The following COG5 variants were observed in gnomAD, a reference collection of about 807,000 sequenced individuals.
The protein encoded by COG5 is component of oligomeric golgi complex 5, also known as conserved oligomeric Golgi complex subunit 5.
In COG5, 86 loss-of-function variants were observed where a neutral mutation model predicts 110.4. The ratio of observed to expected loss-of-function variants is 0.78; its 90% CI spans 0.65 to 0.93. The LOEUF is 0.93. COG5 is among the 40% of genes least tolerant of loss of function. The probability of loss-of-function intolerance (pLI) is 0.00; values close to 1 mark genes in which losing one functional copy is unlikely to be tolerated. For missense variants in COG5, 1,077 were observed against 987.0 expected, an observed-to-expected ratio of 1.09 and a Z score of -1.22; for synonymous variants, 360 against 334.6, an observed-to-expected ratio of 1.08 and a Z score of -0.83.
At chr7:107,497,166 CGCCACT>C (rs1272447617) in intron 6 of COG5, among the ~76,000 whole-genome samples, 12 of 152,178 alleles carry the variant, frequency 7.9e-5, no homozygotes, top group African/African-American at 2.6e-4. Context: ...GATATGTCTG[CGCCACT>C]GCCACTGCAC....
At chr7:107,373,564 T>C (rs1306043470) in intron 7 of COG5, among the ~76,000 whole-genome samples, 1 of 152,116 alleles carries the variant, frequency 6.6e-6, no homozygotes, top group Non-Finnish European at 1.5e-5. Flanking sequence ...GATAGCAATG[T>C]GCTTAGTATG....
chr7:107,316,950 A>G (rs1808819585), intron 11 of COG5, among the ~76,000 whole-genome samples: 1 of 152,176 alleles, frequency 6.6e-6, no homozygotes, highest in South Asian at 2.1e-4. Flanking sequence ...CATTATTTAA[A>G]TTTGAATCAT....
At chr7:107,532,997 T>C (rs1801319624) in intron 5 of COG5, among the ~76,000 whole-genome samples, 2 of 151,934 alleles carry the variant, frequency 1.3e-5, no homozygotes, top group South Asian at 4.1e-4. Context: ...CAGTCTTTGC[T>C]GTTCTGCAGC....
Position 107,347,031 on chromosome 7 carries a change from A to G in COG5, c.1026+15002T>C, listed in dbSNP as rs1584708620. Among the ~76,000 whole-genome samples, 4 of 152,224 alleles carry G rather than the reference A, an allele frequency of 2.6e-5. No individual in the cohort carries two copies. The East Asian group carries it at 7.7e-4, about 29-fold the overall frequency. On this transcript the variant is annotated intron_variant, in intron 10 of 21. Transcript: ENST00000297135. Reference sequence around the variant, plus strand: ...AATGATTGGTATATCATAATGTACTAGAATATTCTAGAAATTTTCACATAT... The same window carrying G: ...AATGATTGGTATATCATAATGTACTGGAATATTCTAGAAATTTTCACATAT...
At chr7:107,312,043 C>T (rs1808318446) in intron 11 of COG5, among the ~76,000 whole-genome samples, 1 of 151,914 alleles carries the variant, frequency 6.6e-6, no homozygotes. Context: ...TCTGTGAACC[C>T]ATCCTAGCTT....
At chr7:107,514,645 C>A (rs1051250583) in intron 6 of COG5, among the ~76,000 whole-genome samples, 14 of 152,212 alleles carry the variant, frequency 9.2e-5, no homozygotes, top group African/African-American at 3.4e-4. Context: ...ACAGATACAC[C>A]AGATGGGTGT....
chr7:107,462,349 C>A (rs549990039), intron 6 of COG5, among the ~76,000 whole-genome samples: 61 of 152,268 alleles, frequency 4.0e-4, no homozygotes, highest in Non-Finnish European at 7.4e-4. Context: ...TTGCAAAGAT[C>A]TCACCAGATG....
chr7:107,291,770 T>C (rs2116870144), intron 12 of COG5, among the ~76,000 whole-genome samples: 1 of 152,348 alleles, frequency 6.6e-6, no homozygotes, highest in South Asian at 2.1e-4. Flanking sequence ...ATATCTGCTC[T>C]GATTCCAGGA....
chr7:107,519,328 C>G (rs183645754), intron 6 of COG5, among the ~76,000 whole-genome samples: 2 of 151,682 alleles, frequency 1.3e-5, no homozygotes, highest in African/African-American at 4.8e-5. Context: ...GACACAGACA[C>G]GAAAAATCCT....
In COG5 at chr7:107,519,991, T is replaced by A. The variant is rs369907026; in HGVS notation, c.538+7246A>T. Among the ~76,000 whole-genome samples the A allele has an allele frequency of 1.7e-4, 26 of 152,244 alleles. No homozygotes were observed. In the East Asian group the frequency reaches 3.1e-3, roughly 18 times the overall value. The stretch of plus-strand genomic sequence containing the variant: ...CACGGGATGCAAGGCTGGTTCAACA[T>A]ATGCAAATCAATAAACATAATCCAT... On this transcript the variant is annotated intron_variant, in intron 6 of 21. Transcript: ENST00000297135.
chr7:107,296,444 A>AG (rs1806755611), intron 12 of COG5, among the ~76,000 whole-genome samples: 1 of 152,078 alleles, frequency 6.6e-6, no homozygotes, highest in African/African-American at 2.4e-5. Flanking sequence ...CAACAGACAT[A>AG]GGTTCTGTTC....
intron 17 of COG5, among the ~76,000 whole-genome samples, chr7:107,241,378 T>C (rs964071346): frequency 6.7e-6 from 1 of 149,782 alleles, no homozygotes; most frequent in Admixed American, 6.7e-5. Flanking sequence ...GAATTCACTT[T>C]ACCCTTCTGT....
intron 6 of COG5, among the ~76,000 whole-genome samples, chr7:107,422,233 C>T (rs10280973): frequency 6.6e-6 from 1 of 152,162 alleles, no homozygotes; most frequent in Non-Finnish European, 1.5e-5. Flanking sequence ...AAACAAATTA[C>T]TAATTATATA....
At chr7:107,451,211 G>C (rs1243788599) in intron 6 of COG5, among the ~76,000 whole-genome samples, 2 of 152,260 alleles carry the variant, frequency 1.3e-5, no homozygotes, top group Non-Finnish European at 1.5e-5. Flanking sequence ...ATTTACAGCA[G>C]AGCCAATCAA....
intron 6 of COG5, among the ~76,000 whole-genome samples, chr7:107,501,246 T>C (rs1206795644): frequency 6.6e-6 from 1 of 151,976 alleles, no homozygotes; most frequent in African/African-American, 2.4e-5. Context: ...TAATATATAC[T>C]AGAAGGGAAA....
At chr7:107,312,275 G>A (rs1410050564) in intron 11 of COG5, among the ~76,000 whole-genome samples, 1 of 152,078 alleles carries the variant, frequency 6.6e-6, no homozygotes, top group African/African-American at 2.4e-5. Context: ...TAACACTTTA[G>A]GGATCCATCT....
intron 12 of COG5, among the ~76,000 whole-genome samples, chr7:107,293,831 G>A (rs1806369829): frequency 6.6e-6 from 1 of 152,106 alleles, no homozygotes; most frequent in Non-Finnish European, 1.5e-5. Context: ...CCACACTTTG[G>A]GAGGCTGAGG....
chr7:107,290,050 CAAT>C (rs144240098), intron 12 of COG5, among the ~76,000 whole-genome samples: 1,778 of 152,206 alleles, frequency 0.012, 32 homozygotes, highest in African/African-American at 0.04. Flanking sequence ...GGTACAATGA[CAAT>C]ATTAGAAATA....
chr7:107,333,788 C>T (rs1810469607), intron 10 of COG5, among the ~76,000 whole-genome samples: 1 of 151,992 alleles, frequency 6.6e-6, no homozygotes, highest in Admixed American at 6.6e-5. Flanking sequence ...ACAGTAAATT[C>T]TGGATGTAAA....
Sources: gnomAD v4.1 joint callset for allele counts (sites outside exome capture counted in the v4.1 genomes callset) on GRCh38, gnomAD v4.1.1 for gene constraint, MANE v1.5 for transcripts, NCBI Gene and HGNC (gene_info 2026-07-23, HGNC 2026-07-21) for gene names.